Variants in CPED1 observed in about 807,000 individuals in gnomAD.
The protein encoded by CPED1 is cadherin-like and PC-esterase domain-containing protein 1.
In CPED1, 114 loss-of-function variants were observed where a neutral mutation model predicts 128.2. The observed-to-expected ratio is 0.89, with a 90% CI of 0.76 to 1.04. The LOEUF (loss-of-function observed/expected upper bound fraction) is 1.04, where lower values mean the gene tolerates loss of function less well. Among genes scored for constraint, CPED1 ranks in the 50% least tolerant of loss-of-function variants. CPED1 has a pLI of 0.00. For synonymous variants in CPED1, 462 were observed against 426.7 expected, an observed-to-expected ratio of 1.08 and a Z score of -1.02; for missense variants, 1,211 against 1,207.1, an observed-to-expected ratio of 1.00 and a Z score of -0.05.
chr7:121,119,598 G>A (rs1012449481), intron 7 of CPED1, among the ~76,000 whole-genome samples: 3 of 150,728 alleles, frequency 2.0e-5, no homozygotes, highest in Non-Finnish European at 4.4e-5. Context: ...GGCCGAGGCG[G>A]GCGGATCACG....
At chr7:121,059,459 T>C (rs1302567649) in intron 4 of CPED1, among the ~76,000 whole-genome samples, 1 of 152,194 alleles carries the variant, frequency 6.6e-6, no homozygotes, top group Non-Finnish European at 1.5e-5. Flanking sequence ...AGCATGAACA[T>C]TTCTACAGAT....
At chr7:121,203,655 G>A (rs879784140) in intron 16 of CPED1, among the ~76,000 whole-genome samples, 42 of 152,090 alleles carry the variant, frequency 2.8e-4, no homozygotes, top group Non-Finnish European at 5.3e-4. Context: ...CTGTCTTCAT[G>A]GTGCTGAGGA....
chr7:121,079,168 T>C (rs1794215830), intron 5 of CPED1, among the ~76,000 whole-genome samples: 1 of 151,930 alleles, frequency 6.6e-6, no homozygotes. Context: ...AACATATAAA[T>C]ATGGGGGAGG....
chr7:121,136,596 G>T (rs1218550995), intron 14 of CPED1, among the ~76,000 whole-genome samples: 3 of 152,118 alleles, frequency 2.0e-5, no homozygotes, highest in Non-Finnish European at 4.4e-5. Flanking sequence ...CTTTAAAAAT[G>T]ATTTTCTTCA....
chr7:121,255,392 G>A (rs995631821), intron 18 of CPED1, among the ~76,000 whole-genome samples: 2 of 151,806 alleles, frequency 1.3e-5, no homozygotes, highest in Non-Finnish European at 2.9e-5. Context: ...AACAAACTAG[G>A]CATCAATTGA....
In CPED1 at chr7:121,295,218, T is replaced by C. The variant is rs117153980; in HGVS notation, c.2869-222T>C. Among the ~76,000 whole-genome samples, 184 of 151,838 alleles carry C rather than the reference T, an allele frequency of 1.2e-3. 5 individuals carry two copies. In the East Asian group the frequency reaches 0.029, roughly 24 times the overall value. On this transcript the variant is annotated intron_variant, in intron 22 of 22. Coordinates refer to ENST00000310396, the MANE Select transcript of CPED1 (RefSeq NM_024913.5). ...CATCTGAGACTGTTCCTTAGTTGCA[T>C]TGGAGACAGCTGCAATGAGGTAAGA...
rs113397234 is a variant in CPED1 at position 121,120,933 on chromosome 7, A to T, written c.919-3398A>T. Among the ~76,000 whole-genome samples the T allele has an allele frequency of 1.3e-4, 19 of 150,806 alleles. No individual in the cohort carries two copies. In the East Asian group the frequency reaches 3.7e-3, roughly 29 times the overall value. On this transcript the variant is annotated intron_variant, in intron 7 of 22. Transcript: ENST00000310396. ...ATACCTACTTAGCATTAGGCACTGAAATCCAGAAGATAAAATAGGACAGTT... is the reference window on the plus strand; with the variant it reads ...ATACCTACTTAGCATTAGGCACTGATATCCAGAAGATAAAATAGGACAGTT...
intron 3 of CPED1, among the ~76,000 whole-genome samples, chr7:121,042,297 C>T (rs148345065): frequency 7.9e-5 from 12 of 152,122 alleles, no homozygotes; most frequent in East Asian, 1.9e-4. Flanking sequence ...TGATGGGGCA[C>T]GATACTCAGG....
chr7:121,172,612 G>C (rs1563053998), intron 16 of CPED1, among the ~76,000 whole-genome samples: 2 of 152,000 alleles, frequency 1.3e-5, no homozygotes, highest in Non-Finnish European at 2.9e-5. Flanking sequence ...GTGGATGGAT[G>C]AATGAATGGA....
intron 4 of CPED1, among the ~76,000 whole-genome samples, chr7:121,047,882 T>C (rs1429857041): frequency 6.6e-6 from 1 of 151,870 alleles, no homozygotes; most frequent in Non-Finnish European, 1.5e-5. Context: ...TTTTTTTGCA[T>C]TTTTTAGTGG....
intron 22 of CPED1, among the ~76,000 whole-genome samples, chr7:121,281,752 T>C (rs1336841990): frequency 6.6e-6 from 1 of 152,200 alleles, no homozygotes; most frequent in Non-Finnish European, 1.5e-5. Context: ...TTTGAAACAC[T>C]GTAATTTTTA....
chr7:121,036,307 G>A (rs1792886576), intron 3 of CPED1, among the ~76,000 whole-genome samples: 1 of 151,946 alleles, frequency 6.6e-6, no homozygotes. Context: ...CCACATTCCA[G>A]TGTATCATTC....
At chr7:121,244,935 T>C (rs1798490690) in intron 18 of CPED1, among the ~76,000 whole-genome samples, 1 of 152,240 alleles carries the variant, frequency 6.6e-6, no homozygotes, top group Non-Finnish European at 1.5e-5. Flanking sequence ...AGGCATGCTC[T>C]GACTAGGTAG....
chr7:121,288,802 C>G (rs1792634940), intron 22 of CPED1, among the ~76,000 whole-genome samples: 1 of 152,254 alleles, frequency 6.6e-6, no homozygotes, highest in African/African-American at 2.4e-5. Context: ...AAAGCCAGAA[C>G]TCTAGATAAA....
chr7:121,109,574 C>T (rs751790232), intron 7 of CPED1, among the ~76,000 whole-genome samples: 12 of 152,074 alleles, frequency 7.9e-5, no homozygotes, highest in East Asian at 7.7e-4. Flanking sequence ...TCTAGTTTTC[C>T]GGAATCTAAC....
intron 7 of CPED1, 24 bp from the exon 8 acceptor site, chr7:121,124,307 G>C: frequency 1.3e-6 from 2 of 1,586,638 alleles, no homozygotes; most frequent in South Asian, 2.3e-5. Flanking sequence ...GTTTTAACAC[G>C]TGAATCCTTT....
intron 7 of CPED1, among the ~76,000 whole-genome samples, chr7:121,116,710 A>G (rs1795241870): frequency 6.6e-6 from 1 of 152,114 alleles, no homozygotes. Flanking sequence ...GCTTTGTAGC[A>G]AAGCAGATTG....
chr7:121,136,829 G>A (rs1795794709), intron 14 of CPED1, among the ~76,000 whole-genome samples: 1 of 152,036 alleles, frequency 6.6e-6, no homozygotes, highest in Admixed American at 6.6e-5. Flanking sequence ...CTTGAGTCCA[G>A]GAGTTTGAGG....
At chr7:121,119,929 T>C (rs1160470738) in intron 7 of CPED1, among the ~76,000 whole-genome samples, 4 of 152,192 alleles carry the variant, frequency 2.6e-5, no homozygotes, top group Non-Finnish European at 5.9e-5. Context: ...TCTTCATGAC[T>C]GGATTATTTC....
Sources: gnomAD v4.1 joint callset for allele counts (sites outside exome capture counted in the v4.1 genomes callset) on GRCh38, gnomAD v4.1.1 for gene constraint, MANE v1.5 for transcripts, NCBI Gene and HGNC (gene_info 2026-07-23, HGNC 2026-07-21) for gene names.